ESYT2: variants seen among roughly 807,000 people sequenced by gnomAD.
The protein encoded by ESYT2 is extended synaptotagmin-2.
In ESYT2, 54 loss-of-function variants were observed where a neutral mutation model predicts 107.2. The observed-to-expected ratio is 0.50, with a 90% CI of 0.40 to 0.63. The LOEUF (loss-of-function observed/expected upper bound fraction) is 0.63, where lower values mean the gene tolerates loss of function less well. Ranked by LOEUF, ESYT2 falls within the 30% of genes least tolerant of loss-of-function variation. The probability of loss-of-function intolerance (pLI) is 0.00; values close to 1 mark genes in which losing one functional copy is unlikely to be tolerated. For missense variants in ESYT2, 1,020 were observed against 1,094.5 expected (o/e 0.93, Z 0.96); for synonymous variants, 491 against 434.1 (o/e 1.13, Z -1.63).
chr7:158,806,131 G>GGCGCCGGGGCACACCGC (rs1173698993), intron 1 of ESYT2, among the ~76,000 whole-genome samples: 217 of 144,338 alleles, frequency 1.5e-3, no homozygotes, highest in South Asian at 3.4e-3. Context: ...CCGCGTGGGA[G>GGCGCCGGGGCACACCGC]GTGCCGGGGC....
intron 19 of ESYT2, among the ~76,000 whole-genome samples, chr7:158,738,792 T>C (rs1755959724): frequency 6.6e-6 from 1 of 152,158 alleles, no homozygotes; most frequent in Admixed American, 6.5e-5. Context: ...ACAGTAAAAA[T>C]ACAGTATGAT....
intron 14 of ESYT2, among the ~76,000 whole-genome samples, chr7:158,752,339 G>T (rs1206030004): frequency 6.6e-6 from 1 of 152,206 alleles, no homozygotes; most frequent in Non-Finnish European, 1.5e-5. Flanking sequence ...CAGAAGCCAT[G>T]AAGGTGTTGA....
rs1554578705 is a variant in ESYT2, at chr7:158,732,940, A to G, written c.*1267T>C. 6.6e-6 allele frequency: 1 copy of G among 152,230 alleles called. No homozygotes were observed. Among genetic ancestry groups the G allele is most frequent in the Non-Finnish European group, 1.5e-5 (1 of 68,056 alleles). 9.4% of individuals were successfully genotyped at this position (152,230 alleles called of 1,614,324 possible). On this transcript the variant is annotated 3_prime_UTR_variant, in exon 23 of 23. Coordinates refer to ENST00000275418, the MANE Select transcript of ESYT2 (RefSeq NM_001367773.1). ...GCCTACGACACTGCAACAGAGCCTC[A>G]CCTCACAGGAGGTCTGGGGGACTCT... is the stretch of plus-strand genomic sequence containing the variant.
intron 1 of ESYT2, among the ~76,000 whole-genome samples, chr7:158,819,944 A>G (rs892203793): frequency 7.9e-5 from 12 of 152,200 alleles, no homozygotes; most frequent in African/African-American, 2.9e-4. Context: ...TGTGGTTATC[A>G]CTAATTCCAG....
chr7:158,786,585 TA>T (rs1839124172), intron 6 of ESYT2, among the ~76,000 whole-genome samples: 1 of 152,204 alleles, frequency 6.6e-6, no homozygotes. Context: ...ATTCTTTCAG[TA>T]ATAAGAAAAT....
intron 2 of ESYT2, 80 bp from the exon 3 acceptor site, chr7:158,798,156 C>T (rs1430602254): frequency 9.6e-6 from 14 of 1,463,558 alleles, no homozygotes; most frequent in African/African-American, 1.4e-5. Flanking sequence ...GAAACCCTCG[C>T]AACAGACCAA....
intron 1 of ESYT2, among the ~76,000 whole-genome samples, chr7:158,801,640 T>C (rs913856172): frequency 1.1e-4 from 2 of 17,810 alleles, no homozygotes; most frequent in Non-Finnish European, 2.6e-4. Context: ...ATCTTATCTT[T>C]CAACTTAAAG....
At chr7:158,779,660 G>A (rs552130857) in intron 6 of ESYT2, among the ~76,000 whole-genome samples, 3 of 152,278 alleles carry the variant, frequency 2.0e-5, no homozygotes, top group East Asian at 3.9e-4. Flanking sequence ...CAGCTGTGCA[G>A]ACGGTGCTGC....
At chr7:158,822,962 C>T (rs1840327965) in intron 1 of ESYT2, among the ~76,000 whole-genome samples, 1 of 152,068 alleles carries the variant, frequency 6.6e-6, no homozygotes, top group Non-Finnish European at 1.5e-5. Flanking sequence ...GTGTACCTCA[C>T]TTTGCACTAT....
chr7:158,737,983 T>G (rs184874566), intron 19 of ESYT2, among the ~76,000 whole-genome samples: 7 of 152,262 alleles, frequency 4.6e-5, no homozygotes, highest in Admixed American at 4.6e-4. Flanking sequence ...TCTTCCTGAT[T>G]AGGCCAGTCA....
chr7:158,821,337 G>A (rs1307760807), intron 1 of ESYT2, among the ~76,000 whole-genome samples: 2 of 152,192 alleles, frequency 1.3e-5, no homozygotes, highest in Non-Finnish European at 2.9e-5. Flanking sequence ...TCGCCTATTT[G>A]AAGAAAAGTG....
chr7:158,734,280 T>TGACG, intron 22 of ESYT2, 28 bp from the exon 23 acceptor site: 1 of 1,614,008 alleles, frequency 6.2e-7, no homozygotes, highest in Non-Finnish European at 8.5e-7. Context: ...AGGAAGGTGG[T>TGACG]GACGGATACA....
At chr7:158,753,988 A>G (rs748274645) in intron 13 of ESYT2, among the ~76,000 whole-genome samples, 4 of 152,262 alleles carry the variant, frequency 2.6e-5, no homozygotes, top group Non-Finnish European at 4.4e-5. Context: ...AAAGTAAAAC[A>G]AGGAGAGAGG....
chr7:158,817,815 G>GA (rs1395880568), intron 1 of ESYT2, among the ~76,000 whole-genome samples: 1 of 152,190 alleles, frequency 6.6e-6, no homozygotes, highest in Admixed American at 6.5e-5. Flanking sequence ...AGTTTCATAA[G>GA]AAAATGGAAG....
intron 13 of ESYT2, among the ~76,000 whole-genome samples, chr7:158,755,672 A>G (rs1837730162): frequency 6.6e-6 from 1 of 152,202 alleles, no homozygotes; most frequent in East Asian, 1.9e-4. Context: ...TTTGACTTTA[A>G]AAAGGCCTTA....
intron 6 of ESYT2, among the ~76,000 whole-genome samples, chr7:158,775,415 A>C (rs1384228705): frequency 6.6e-6 from 1 of 152,204 alleles, no homozygotes; most frequent in Non-Finnish European, 1.5e-5. Flanking sequence ...CCCACAGAAC[A>C]GCTTTCAAAA....
intron 19 of ESYT2, among the ~76,000 whole-genome samples, chr7:158,738,329 ACACACACACACACAG>A (rs1563614946): frequency 6.2e-4 from 53 of 84,814 alleles, no homozygotes; most frequent in African/African-American, 2.3e-3. Flanking sequence ...AAAAAAAAAT[ACACACACACACACAG>A]ACACACACAC....
chr7:158,775,313 G>A (rs530767946), intron 6 of ESYT2, among the ~76,000 whole-genome samples: 20 of 152,216 alleles, frequency 1.3e-4, no homozygotes, highest in African/African-American at 4.1e-4. Context: ...TGAAGGTTAG[G>A]GTAAGACAAC....
intron 1 of ESYT2, among the ~76,000 whole-genome samples, chr7:158,827,959 A>C (rs10237268): frequency 0.14 from 21,041 of 152,218 alleles, 2,189 homozygotes; most frequent in East Asian, 0.55. Flanking sequence ...TCTATAGTCC[A>C]TAAATATACG....
Sources: allele counts gnomAD v4.1 joint callset (sites outside exome capture counted in the v4.1 genomes callset), GRCh38; gene constraint gnomAD v4.1.1; transcripts MANE v1.5; gene names NCBI Gene and HGNC (gene_info 2026-07-23, HGNC 2026-07-21).